The following TMEM117 variants were observed in gnomAD, a reference collection of about 807,000 sequenced individuals.
TMEM117 encodes the protein transmembrane protein 117.
Under a neutral mutation model 52.4 loss-of-function variants are expected in TMEM117, and 27 were observed. That is an observed-to-expected ratio of 0.51 (90% CI 0.38 to 0.71). The LOEUF is 0.71. TMEM117 is among the 30% of genes least tolerant of loss of function. The pLI is 0.00. For synonymous variants in TMEM117, 215 were observed against 206.3 expected (o/e 1.04, Z -0.36); for missense variants, 556 against 630.5 (o/e 0.88, Z 1.26).
chr12:44,017,226 A>T (rs1420886911), intron 3 of TMEM117, among the ~76,000 whole-genome samples: 1 of 105,730 alleles, frequency 9.5e-6, no homozygotes, highest in Non-Finnish European at 1.8e-5. Flanking sequence ...ATTATTTATG[A>T]AGCCTTCTGT....
intron 3 of TMEM117, among the ~76,000 whole-genome samples, chr12:44,075,237 A>G (rs1041982093): frequency 1.2e-4 from 19 of 152,168 alleles, no homozygotes; most frequent in South Asian, 6.2e-4. Context: ...TGTATTAGGA[A>G]CAGAGCACAT....
At chr12:43,933,620 G>A (rs1944906696) in intron 2 of TMEM117, among the ~76,000 whole-genome samples, 1 of 152,012 alleles carries the variant, frequency 6.6e-6, no homozygotes, top group Non-Finnish European at 1.5e-5. Flanking sequence ...CTGGGATTCA[G>A]TGATGTGATC....
chr12:43,796,471 A>C, the TMEM117 span, among the ~76,000 whole-genome samples: 9 of 152,278 alleles, frequency 5.9e-5, no homozygotes, highest in Admixed American at 3.9e-4. Flanking sequence ...CTTAGTTCCC[A>C]AAATTCAAAT....
At chr12:43,970,789 G>T (rs1227791371) in intron 3 of TMEM117, among the ~76,000 whole-genome samples, 1 of 152,094 alleles carries the variant, frequency 6.6e-6, no homozygotes, top group South Asian at 2.1e-4. Flanking sequence ...ATCACTCAGG[G>T]TTTTAATCTT....
chr12:43,894,037 T>C (rs1944154715), intron 2 of TMEM117, among the ~76,000 whole-genome samples: 1 of 152,186 alleles, frequency 6.6e-6, no homozygotes, highest in Admixed American at 6.5e-5. Flanking sequence ...CTGCCATTCC[T>C]CTTAAAGGCC....
chr12:44,220,327 A>C (rs997546416), intron 5 of TMEM117, among the ~76,000 whole-genome samples: 3 of 152,156 alleles, frequency 2.0e-5, no homozygotes, highest in Non-Finnish European at 2.9e-5. Flanking sequence ...ACTGAAGTTA[A>C]CAGAGAAGCA....
At chr12:44,251,060 G>T (rs562668867) in intron 5 of TMEM117, among the ~76,000 whole-genome samples, 3 of 152,182 alleles carry the variant, frequency 2.0e-5, no homozygotes, top group South Asian at 2.1e-4. Context: ...TGATTGCTCT[G>T]GTGCACGTCT....
intron 5 of TMEM117, among the ~76,000 whole-genome samples, chr12:44,258,541 A>T (rs1156613447): frequency 6.6e-6 from 1 of 152,206 alleles, no homozygotes; most frequent in African/African-American, 2.4e-5. Flanking sequence ...TCTGTTATTT[A>T]AATTCTTAAC....
chr12:44,288,076 G>A (rs1950659026), intron 5 of TMEM117, among the ~76,000 whole-genome samples: 1 of 152,114 alleles, frequency 6.6e-6, no homozygotes, highest in Admixed American at 6.5e-5. Context: ...CTCTTTAAAA[G>A]TATTGGTTTT....
At chr12:44,382,298 A>T (rs1952031750) in intron 7 of TMEM117, among the ~76,000 whole-genome samples, 1 of 152,116 alleles carries the variant, frequency 6.6e-6, no homozygotes, top group Admixed American at 6.6e-5. Flanking sequence ...CAGAGGAAGG[A>T]CTCGAAATAT....
rs147495355 is a variant in TMEM117, at chr12:43,975,520, C to T, written c.410+31178C>T. On this transcript the variant is annotated intron_variant, in intron 3 of 7. Coordinates refer to ENST00000266534, the MANE Select transcript of TMEM117 (RefSeq NM_032256.3). ...TAACAGAGGTTAAGTAGTTTGCTGA[C>T]CATCATGTAGCTGATATCATGTCAG... Among the ~76,000 whole-genome samples the T allele has an allele frequency of 1.0e-3, 154 of 152,262 alleles. 1 individual carries two copies. Among genetic ancestry groups the T allele is most frequent in the Non-Finnish European group, 1.0e-3 (69 of 68,020 alleles).
chr12:44,080,002 A>G (rs1471243925), intron 3 of TMEM117, among the ~76,000 whole-genome samples: 1 of 142,076 alleles, frequency 7.0e-6, no homozygotes, highest in Non-Finnish European at 1.5e-5. Context: ...TGGGCGACAG[A>G]GTAACTCCAT....
intron 2 of TMEM117, among the ~76,000 whole-genome samples, chr12:43,903,445 C>G (rs190944014): frequency 1.3e-5 from 2 of 152,230 alleles, no homozygotes; most frequent in Non-Finnish European, 2.9e-5. Context: ...AATGGGATAT[C>G]AGTACAGCAG....
At chr12:44,211,839 G>A (rs1316468866) in intron 5 of TMEM117, among the ~76,000 whole-genome samples, 1 of 152,122 alleles carries the variant, frequency 6.6e-6, no homozygotes, top group Non-Finnish European at 1.5e-5. Context: ...TAGCTCTCCA[G>A]CCCAATCTTT....
chr12:44,098,247 C>T (rs888943990), intron 3 of TMEM117, among the ~76,000 whole-genome samples: 1 of 152,050 alleles, frequency 6.6e-6, no homozygotes, highest in African/African-American at 2.4e-5. Flanking sequence ...CCTGACCCCT[C>T]AGAGGTCTTA....
intron 2 of TMEM117, among the ~76,000 whole-genome samples, chr12:43,849,543 G>C (rs1943269282): frequency 1.3e-5 from 2 of 152,098 alleles, no homozygotes; most frequent in Non-Finnish European, 2.9e-5. Flanking sequence ...GGTGGTATAA[G>C]TAATCAGCCC....
At chr12:43,798,711 A>G in the TMEM117 span, 19 of 1,068,756 alleles carry the variant, frequency 1.8e-5, no homozygotes, top group Admixed American at 2.9e-5. Context: ...TTAATATTAA[A>G]TGATATTCAA....
chr12:44,010,138 C>T (rs140026176), intron 3 of TMEM117: 7 of 512,810 alleles, frequency 1.4e-5, no homozygotes, highest in Admixed American at 1.2e-4. Context: ...GCTCTCTCAT[C>T]ATTGTTTGCT....
intron 3 of TMEM117, among the ~76,000 whole-genome samples, chr12:43,980,809 GAGTT>G (rs769291446): frequency 1.3e-5 from 2 of 152,180 alleles, no homozygotes; most frequent in African/African-American, 2.4e-5. Context: ...GGGCTGAAGA[GAGTT>G]AGCAGCCCCC....
Sources: gnomAD v4.1 joint callset for allele counts (sites outside exome capture counted in the v4.1 genomes callset) on GRCh38, gnomAD v4.1.1 for gene constraint, MANE v1.5 for transcripts, NCBI Gene and HGNC (gene_info 2026-07-23, HGNC 2026-07-21) for gene names.